ANK3: variants seen among roughly 807,000 people sequenced by gnomAD.
ANK3 encodes the protein ankyrin 3.
ANK3 carries 57 observed loss-of-function variants against 370.9 expected under a neutral mutation model. The observed-to-expected ratio is 0.15, with a 90% CI of 0.12 to 0.19. The LOEUF (loss-of-function observed/expected upper bound fraction) is 0.19. Among genes scored for constraint, ANK3 ranks in the 10% least tolerant of loss-of-function variants. ANK3 has a pLI of 1.00. For missense variants in ANK3, 4,439 were observed against 5,302.1 expected, an observed-to-expected ratio of 0.84 and a Z score of 5.06; for synonymous variants, 1,929 against 1,946.3, an observed-to-expected ratio of 0.99 and a Z score of 0.23.
At chr10:60,235,550 G>GTTTTTTTTTTTT (rs72388493) in intron 7 of ANK3, among the ~76,000 whole-genome samples, 9 of 115,060 alleles carry the variant, frequency 7.8e-5, no homozygotes, top group Non-Finnish European at 1.2e-4. Context: ...CTGATTTCTT[G>GTTTTTTTTTTTT]TTTTTTTTTT....
At chr10:60,177,593 C>CTTTTTTTTTT (rs771714886) in intron 18 of ANK3, among the ~76,000 whole-genome samples, 1,640 of 106,192 alleles carry the variant, frequency 0.015, 4 homozygotes, top group East Asian at 0.023. Context: ...GTCTTCAAAT[C>CTTTTTTTTTT]TTTTTTTTTT....
intron 1 of ANK3, among the ~76,000 whole-genome samples, chr10:60,661,513 T>G (rs1038418042): frequency 1.2e-4 from 19 of 152,220 alleles, no homozygotes; most frequent in African/African-American, 4.1e-4. Flanking sequence ...TATACAAACT[T>G]CATTGTTTTT....
chr10:60,699,452 A>T (rs921452974), intron 1 of ANK3, among the ~76,000 whole-genome samples: 1 of 152,124 alleles, frequency 6.6e-6, no homozygotes, highest in African/African-American at 2.4e-5. Context: ...ACATACAATG[A>T]TCAAATCTTT....
intron 28 of ANK3, among the ~76,000 whole-genome samples, chr10:60,105,179 TC>T (rs2091989611): frequency 6.6e-6 from 1 of 152,060 alleles, no homozygotes; most frequent in African/African-American, 2.4e-5. Flanking sequence ...TCTCTCAGCA[TC>T]AGACGTTATG....
chr10:60,682,581 T>A (rs1184185995), intron 1 of ANK3, among the ~76,000 whole-genome samples: 1 of 152,124 alleles, frequency 6.6e-6, no homozygotes, highest in Non-Finnish European at 1.5e-5. Flanking sequence ...AGGACTCCAC[T>A]CTTCTCTGCC....
chr10:60,500,097 A>C (rs965179066), intron 2 of ANK3, among the ~76,000 whole-genome samples: 1 of 152,186 alleles, frequency 6.6e-6, no homozygotes, highest in Admixed American at 6.5e-5. Flanking sequence ...TCAATTATTG[A>C]GCAGAAAATG....
intron 2 of ANK3, among the ~76,000 whole-genome samples, chr10:60,445,001 C>A (rs2064405251): frequency 6.6e-6 from 1 of 152,060 alleles, no homozygotes; most frequent in Non-Finnish European, 1.5e-5. Context: ...AAGAGAAAGT[C>A]ATTAGTGTTT....
At chr10:60,146,414 G>A (rs2094826102) in intron 23 of ANK3, among the ~76,000 whole-genome samples, 1 of 152,158 alleles carries the variant, frequency 6.6e-6, no homozygotes. Flanking sequence ...AAAGAGCATA[G>A]TACCTGATAG....
At position 60,080,626 on chromosome 10, in the gene ANK3, G is replaced by GA; in HGVS notation, c.4351-9_4351-8insT. The GA allele has an allele frequency of 6.4e-7, 1 of 1,557,948 alleles. No homozygotes were observed. Among genetic ancestry groups the GA allele is most frequent in the Non-Finnish European group, 8.6e-7 (1 of 1,159,760 alleles). Reference sequence around the variant, plus strand: ...TCTATCTGTTTTCTCAATCTGAAAAGGAAAAAAAAAAAGACAACTCTATTT... The same window carrying GA: ...TCTATCTGTTTTCTCAATCTGAAAAGAGAAAAAAAAAAAGACAACTCTATTT... On this transcript the variant is annotated splice_polypyrimidine_tract_variant and intron_variant, in intron 35 of 43. Coordinates refer to ENST00000280772, the MANE Select transcript of ANK3 (RefSeq NM_020987.5).
intron 18 of ANK3, among the ~76,000 whole-genome samples, chr10:60,177,036 A>C (rs958862718): frequency 6.6e-6 from 1 of 152,162 alleles, no homozygotes; most frequent in East Asian, 1.9e-4. Context: ...TGCTCTAGTA[A>C]AACTGCTTTT....
chr10:60,532,742 C>T (rs1479664532), intron 2 of ANK3, among the ~76,000 whole-genome samples: 1 of 151,926 alleles, frequency 6.6e-6, no homozygotes, highest in Non-Finnish European at 1.5e-5. Flanking sequence ...TGCTATAGGC[C>T]CTTTTCAAGC....
chr10:60,169,707 CT>C (rs1425844484), intron 21 of ANK3, among the ~76,000 whole-genome samples: 2 of 152,104 alleles, frequency 1.3e-5, no homozygotes, highest in Non-Finnish European at 2.9e-5. Flanking sequence ...TTTGTGTCTT[CT>C]TTTCCATTTA....
intron 8 of ANK3, among the ~76,000 whole-genome samples, chr10:60,213,865 A>T (rs367720156): frequency 9.2e-5 from 14 of 152,162 alleles, no homozygotes; most frequent in African/African-American, 3.4e-4. Context: ...TTGTAATAGA[A>T]ATTCTACATT....
chr10:60,660,911 T>TACAC (rs779739373), intron 1 of ANK3, among the ~76,000 whole-genome samples: 1 of 148,152 alleles, frequency 6.7e-6, no homozygotes, highest in African/African-American at 2.5e-5. Context: ...GAGTTTTAAA[T>TACAC]ACACACTCAC....
At chr10:60,300,111 G>A (rs904207187) in intron 1 of ANK3, among the ~76,000 whole-genome samples, 3 of 152,060 alleles carry the variant, frequency 2.0e-5, no homozygotes, top group Admixed American at 6.6e-5. Context: ...TTACATCACA[G>A]GCAAAACATA....
chr10:60,197,171 G>A (rs1183789315), intron 14 of ANK3, among the ~76,000 whole-genome samples: 1 of 152,136 alleles, frequency 6.6e-6, no homozygotes, highest in Non-Finnish European at 1.5e-5. Context: ...TCAGGAGGAG[G>A]AGTGAGAAAT....
chr10:60,358,483 T>A (rs1306536940), intron 1 of ANK3, among the ~76,000 whole-genome samples: 1 of 152,202 alleles, frequency 6.6e-6, no homozygotes. Flanking sequence ...ATTTGGTTTC[T>A]CTTCCTTTTC....
At chr10:60,434,538 T>C (rs982855447) in intron 2 of ANK3, among the ~76,000 whole-genome samples, 2 of 152,258 alleles carry the variant, frequency 1.3e-5, no homozygotes, top group African/African-American at 4.8e-5. Context: ...AACTCCTAGT[T>C]CAGAATTGTA....
At chr10:60,415,473 C>G (rs1016731770) in intron 2 of ANK3, among the ~76,000 whole-genome samples, 5 of 152,222 alleles carry the variant, frequency 3.3e-5, no homozygotes, top group Middle Eastern at 6.8e-3. Flanking sequence ...CCTGCTGCAA[C>G]CCGAGTGTCC....
Sources: allele counts gnomAD v4.1 joint callset (sites outside exome capture counted in the v4.1 genomes callset), GRCh38; gene constraint gnomAD v4.1.1; transcripts MANE v1.5; gene names NCBI Gene and HGNC (gene_info 2026-07-23, HGNC 2026-07-21).